Variants in PRPF3 observed in about 807,000 individuals in gnomAD.
PRPF3 encodes the protein U4/U6 small nuclear ribonucleoprotein Prp3.
PRPF3 carries 3 observed loss-of-function variants against 89.2 expected under a neutral mutation model. The observed-to-expected ratio is 0.03, with a 90% CI of 0.02 to 0.09. PRPF3 has a LOEUF of 0.09. Ranked by LOEUF, PRPF3 falls within the 10% of genes least tolerant of loss-of-function variation. The probability of loss-of-function intolerance (pLI) is 1.00; values close to 1 mark genes in which losing one functional copy is unlikely to be tolerated. For synonymous variants in PRPF3, 270 were observed against 289.1 expected (o/e 0.93, Z 0.67); for missense variants, 463 against 828.8 (o/e 0.56, Z 5.42).
chr1:150,335,389 C>A, intron 7 of PRPF3, 148 bp downstream of exon 7: 2 of 936,072 alleles, frequency 2.1e-6, no homozygotes, highest in African/African-American at 1.7e-5. Context: ...GGACTTGTTT[C>A]ATGGAAGATA....
rs189928753 is a variant in PRPF3, at chr1:150,329,766, T to G, written c.423+1300T>G. ...TTACAGAAGGAAAGAAATGGATTTT[T>G]TTTGTGTGTGTGTGTGAGATGTTCT... On this transcript the variant is annotated intron_variant, in intron 4 of 15. Transcript: ENST00000324862. The G allele has an allele frequency of 7.9e-5, 12 of 152,268 alleles. 1 individual carries two copies. The highest frequency in any genetic ancestry group is 2.6e-4 in the African/African-American group (11 of 41,550). 9.4% of individuals were successfully genotyped at this position (152,268 alleles called of 1,614,324 possible).
At chr1:150,326,683 T>TAA (rs1311946533) in intron 3 of PRPF3, among the ~76,000 whole-genome samples, 27 of 117,146 alleles carry the variant, frequency 2.3e-4, no homozygotes, top group Non-Finnish European at 2.8e-4. Flanking sequence ...GCTATGGAAC[T>TAA]AAAAAAAAAA....
rs782132033 is a variant in PRPF3 at position 150,344,428 on chromosome 1, C to T, written c.1527-6C>T. 19 of 1,614,108 alleles carry T rather than the reference C, an allele frequency of 1.2e-5. No individual in the cohort carries two copies. Among genetic ancestry groups the T allele is most frequent in the East Asian group, 2.2e-5 (1 of 44,886 alleles). Reference sequence around the variant, plus strand: ...TCACTTGTGGATGTCCTTCCTGTCACGACAGAGCGCATGAAGAGGCCAACG... The same window carrying T: ...TCACTTGTGGATGTCCTTCCTGTCATGACAGAGCGCATGAAGAGGCCAACG... On this transcript the variant is annotated splice_polypyrimidine_tract_variant and splice_region_variant and intron_variant, in intron 11 of 15. Coordinates refer to ENST00000324862, the MANE Select transcript of PRPF3 (RefSeq NM_004698.4).
chr1:150,334,272 C>G (rs1178713439), intron 6 of PRPF3, among the ~76,000 whole-genome samples: 2 of 152,038 alleles, frequency 1.3e-5, no homozygotes, highest in African/African-American at 4.8e-5. Context: ...TGCCACTGTA[C>G]TTTAGCCTGG....
intron 1 of PRPF3, among the ~76,000 whole-genome samples, chr1:150,322,435 T>C (rs1448950433): frequency 6.6e-6 from 1 of 152,260 alleles, no homozygotes; most frequent in African/African-American, 2.4e-5. Context: ...TGGGGCTCAG[T>C]GTCCCAACTG....
chr1:150,328,281 G>A, intron 3 of PRPF3, 39 bp from the exon 4 acceptor site: 2 of 1,611,782 alleles, frequency 1.2e-6, no homozygotes, highest in Non-Finnish European at 1.7e-6. Context: ...CTCCCCACGG[G>A]GAGGGATACA....
At chr1:150,351,575 G>A (rs140966763) in intron 15 of PRPF3, among the ~76,000 whole-genome samples, 2,110 of 150,170 alleles carry the variant, frequency 0.014, 54 homozygotes, top group African/African-American at 0.049. Context: ...GTCATAGCTC[G>A]CTACAGCCTT....
chr1:150,345,753 A>T (rs1228488540), intron 12 of PRPF3: 3 of 456,716 alleles, frequency 6.6e-6, no homozygotes, highest in Non-Finnish European at 1.2e-5. Context: ...GGATGATAGT[A>T]AATACCTCTC....
At chr1:150,330,027 T>G (rs1171996110) in intron 4 of PRPF3, 1 of 152,272 alleles carries the variant, frequency 6.6e-6, no homozygotes, top group African/African-American at 2.4e-5. Flanking sequence ...CCCAAATTGC[T>G]GGGATTATAG....
intron 3 of PRPF3, among the ~76,000 whole-genome samples, chr1:150,326,467 G>C (rs929177448): frequency 6.6e-6 from 1 of 152,066 alleles, no homozygotes; most frequent in Non-Finnish European, 1.5e-5. Flanking sequence ...TTCTGTAGTT[G>C]CCGACTGATC....
At position 150,333,019 on chromosome 1, in the gene PRPF3, T is replaced by C; in HGVS notation, c.548T>C (p.Ile183Thr). 1.2e-6 allele frequency: 2 copies of C among 1,614,034 alleles called. No individual in the cohort carries two copies. Among genetic ancestry groups the C allele is most frequent in the Non-Finnish European group, 1.7e-6 (2 of 1,180,024 alleles). Residue 183 changes from isoleucine (I) to threonine (T), a missense_variant, in exon 6 of 16, where the codon ATT (isoleucine) becomes ACT (threonine). Coordinates refer to ENST00000324862, the MANE Select transcript of PRPF3 (RefSeq NM_004698.4). Reference sequence around the variant, plus strand: ...TCCTCCCAACCAGAACGACTTCCTATTGGCAACACTATTCAGCCCTCCCAG... The same window carrying C: ...TCCTCCCAACCAGAACGACTTCCTACTGGCAACACTATTCAGCCCTCCCAG... ...PSSSQPERLP[I>T]GNTIQPSQAA...
At chr1:150,341,081 G>GGAT (rs1355470073) in intron 9 of PRPF3, among the ~76,000 whole-genome samples, 1 of 140,468 alleles carries the variant, frequency 7.1e-6, no homozygotes, top group Non-Finnish European at 1.5e-5. Flanking sequence ...ACTCCAGCCT[G>GGAT]GATGATACTG....
chr1:150,337,007 T>G (rs1191266776), intron 7 of PRPF3, among the ~76,000 whole-genome samples: 1 of 150,922 alleles, frequency 6.6e-6, no homozygotes, highest in Non-Finnish European at 1.5e-5. Flanking sequence ...TGCCGCCTTT[T>G]TATCCTCTCA....
At chr1:150,352,574 A>G (rs1553874621) in intron 15 of PRPF3, among the ~76,000 whole-genome samples, 1 of 152,160 alleles carries the variant, frequency 6.6e-6, no homozygotes, top group African/African-American at 2.4e-5. Context: ...CTGAGGCAGG[A>G]GAATGGTGTG....
At chr1:150,339,486 G>A (rs1208022861) in intron 8 of PRPF3, among the ~76,000 whole-genome samples, 1 of 150,984 alleles carries the variant, frequency 6.6e-6, no homozygotes, top group Admixed American at 6.6e-5. Context: ...GCCCAGGCTG[G>A]AGTGCAGTGG....
chr1:150,335,038 A>G lies in PRPF3; in HGVS notation c.832A>G (p.Met278Val). 6.2e-7 allele frequency: 1 copy of G among 1,614,132 alleles called. No homozygotes were observed. Among genetic ancestry groups the G allele is most frequent in the Non-Finnish European group, 8.5e-7 (1 of 1,180,024 alleles). ...CAAGGAGATTGAGCTGACACACCGC[A>G]TGCCTACTCTGAAAGCCAATATTCG... ...TGKEIELTHR[M>V]PTLKANIRAV... The change falls in exon 7 of 16, where the codon ATG (methionine) becomes GTG (valine). Residue 278 changes from methionine to valine, a missense_variant. Coordinates refer to ENST00000324862, the MANE Select transcript of PRPF3 (RefSeq NM_004698.4).
intron 15 of PRPF3, among the ~76,000 whole-genome samples, chr1:150,351,688 T>C (rs1201831469): frequency 1.3e-5 from 2 of 148,428 alleles, no homozygotes; most frequent in African/African-American, 4.9e-5. Flanking sequence ...TTTTTTTTTT[T>C]TTTTTAGAAA....
chr1:150,328,982 G>A (rs147630711), intron 4 of PRPF3, among the ~76,000 whole-genome samples: 9 of 151,434 alleles, frequency 5.9e-5, no homozygotes, highest in Non-Finnish European at 7.4e-5. Flanking sequence ...GTGAGCCAGC[G>A]TGCCTCGCCT....
chr1:150,343,203 T>C, intron 9 of PRPF3, 106 bp from the exon 10 acceptor site: 6 of 678,724 alleles, frequency 8.8e-6, no homozygotes, highest in Non-Finnish European at 1.2e-5. Context: ...GATCGTGCCA[T>C]TGCACTCCAA....
Sources: gnomAD v4.1 joint callset for allele counts (sites outside exome capture counted in the v4.1 genomes callset) on GRCh38, gnomAD v4.1.1 for gene constraint, MANE v1.5 for transcripts, NCBI Gene and HGNC (gene_info 2026-07-23, HGNC 2026-07-21) for gene names.